TXNRD2: variants seen among roughly 807,000 people sequenced by gnomAD.
TXNRD2 encodes the protein thioredoxin reductase 2, mitochondrial.
In TXNRD2, 67 loss-of-function variants were observed where a neutral mutation model predicts 70.8. The observed-to-expected ratio is 0.95, with a 90% CI of 0.78 to 1.16. The LOEUF is 1.16. Among genes scored for constraint, TXNRD2 ranks in the 50% most tolerant of loss-of-function variants. The pLI is 0.00. For synonymous variants in TXNRD2, 301 were observed against 295.8 expected (o/e 1.02, Z -0.18); for missense variants, 644 against 719.9 (o/e 0.89, Z 1.21).
At chr22:19,914,387 A>C (rs967867176) in intron 7 of TXNRD2, among the ~76,000 whole-genome samples, 1 of 152,250 alleles carries the variant, frequency 6.6e-6, no homozygotes, top group Admixed American at 6.5e-5. Context: ...AGTGTGGTCT[A>C]TCCATACAAT....
chr22:19,941,650 C>T (rs1288270961), intron 1 of TXNRD2, 51 bp downstream of exon 1: 1 of 1,415,262 alleles, frequency 7.1e-7, no homozygotes, highest in South Asian at 1.5e-5. Flanking sequence ...CTCACGAGGA[C>T]ACCCCGGCCG....
At chr22:19,880,426 G>A (rs1189121599) in intron 13 of TXNRD2, among the ~76,000 whole-genome samples, 155 bp from the exon 14 acceptor site, 1 of 152,142 alleles carries the variant, frequency 6.6e-6, no homozygotes, top group Admixed American at 6.5e-5. Context: ...CCACGCCTGC[G>A]CCACACTCTC....
At chr22:19,918,304 C>T (rs890522754) in intron 4 of TXNRD2, 87 bp from the exon 5 acceptor site, 2 of 1,194,652 alleles carry the variant, frequency 1.7e-6, no homozygotes, top group East Asian at 2.4e-5. Flanking sequence ...TCAAATGGTA[C>T]ATTCATAGAA....
chr22:19,923,993 CTT>C (rs1017520390), intron 2 of TXNRD2, among the ~76,000 whole-genome samples: 1 of 150,930 alleles, frequency 6.6e-6, no homozygotes, highest in Non-Finnish European at 1.5e-5. Flanking sequence ...TAAAAAAAGG[CTT>C]TTTTTTCTTT....
chr22:19,927,225 T>G (rs1941180611), intron 2 of TXNRD2, among the ~76,000 whole-genome samples: 1 of 151,428 alleles, frequency 6.6e-6, no homozygotes, highest in Non-Finnish European at 1.5e-5. Context: ...ATCCAGGAGG[T>G]GGAGAGTGCA....
At position 19,918,790 on chromosome 22, in the gene TXNRD2, A is replaced by T. The variant is rs1258478721; in HGVS notation, c.374+70T>A. 5.1e-6 allele frequency: 8 copies of T among 1,569,008 alleles called. No homozygotes were observed. The Admixed American group carries it at 1.3e-4, about 26-fold the overall frequency. On this transcript the variant is annotated intron_variant, in intron 4 of 17. Transcript: ENST00000400521. ...CTCCCCATGAGGGCTCATCGAGGAT[A>T]AGCCTCCTCTTCCTCTTCCACCCAA...
chr22:19,911,876 C>G (rs912759259), intron 7 of TXNRD2, among the ~76,000 whole-genome samples: 2 of 152,164 alleles, frequency 1.3e-5, no homozygotes, highest in Non-Finnish European at 2.9e-5. Context: ...TCTGGGGGAT[C>G]CAAACTCAGA....
In TXNRD2 at chr22:19,877,308, A is replaced by G. The variant is rs890386860; in HGVS notation, c.1446-74T>C. 9 of 1,406,596 alleles carry G rather than the reference A, an allele frequency of 6.4e-6. No individual in the cohort carries two copies. The African/African-American group carries it at 8.4e-5, about 13-fold the overall frequency. 87.1% of individuals were successfully genotyped at this position (1,406,596 alleles called of 1,614,324 possible). A position where few individuals can be genotyped will look rare whatever the true frequency, so the allele number is the denominator to read the frequency against. On this transcript the variant is annotated intron_variant, in intron 16 of 17. Transcript: ENST00000400521. ...GGTCCACAGCATCCCACCCCCGGGA[A>G]GAGGAGGGCCTCAGAGGCTGCTGGT...
At chr22:19,912,761 G>A (rs755448972) in intron 7 of TXNRD2, among the ~76,000 whole-genome samples, 1 of 152,242 alleles carries the variant, frequency 6.6e-6, no homozygotes, top group Non-Finnish European at 1.5e-5. Context: ...TGCTGTGGCT[G>A]CCTGGCGGCC....
rs13054713 is a variant in TXNRD2, at chr22:19,880,391, C to A, written c.1183-120G>T. 0.14 allele frequency: 152,103 copies of A among 1,126,376 alleles called. 11,439 individuals are homozygous for A. Among genetic ancestry groups the A allele is most frequent in the Middle Eastern group, 0.21 (1,103 of 5,154 alleles). The allele number at this position is 1,126,376 out of a possible 1,614,324, so 69.8% of individuals were successfully genotyped here. On this transcript the variant is annotated intron_variant, in intron 13 of 17. Coordinates refer to ENST00000400521, the MANE Select transcript of TXNRD2 (RefSeq NM_006440.5). ...GACCAGATGCGCCCAGAGCAGGCTG[C>A]AAGCACAGTAGGCGACCCACCTGCC...
intron 1 of TXNRD2, among the ~76,000 whole-genome samples, chr22:19,935,362 T>C (rs1941503685): frequency 6.6e-6 from 1 of 152,118 alleles, no homozygotes; most frequent in Non-Finnish European, 1.5e-5. Context: ...CCTGGTAAAT[T>C]TGTGGTCAGA....
chr22:19,926,001 T>G (rs1422934265), intron 2 of TXNRD2, among the ~76,000 whole-genome samples: 1 of 150,928 alleles, frequency 6.6e-6, no homozygotes. Flanking sequence ...CTTTCTCTAC[T>G]AAAAATACAA....
rs576221320 is a variant in TXNRD2 at position 19,929,612 on chromosome 22, C to A, written c.172+1418G>T. The stretch of plus-strand genomic sequence containing the variant: ...ACGACAACTGCCATCTACAGCCCAA[C>A]GGAGAGGCCTCAGAAGAAATCAGCC... On this transcript the variant is annotated intron_variant, in intron 2 of 17. Transcript: ENST00000400521. Among the ~76,000 whole-genome samples, 5 of 152,170 alleles carry A rather than the reference C, an allele frequency of 3.3e-5. No individual in the cohort carries two copies. In the South Asian group the frequency reaches 1.0e-3, roughly 31 times the overall value.
rs147745415 is a variant in TXNRD2, at chr22:19,920,368, A to C, written c.173-769T>G. On this transcript the variant is annotated intron_variant, in intron 2 of 17. Coordinates refer to ENST00000400521, the MANE Select transcript of TXNRD2 (RefSeq NM_006440.5). The stretch of plus-strand genomic sequence containing the variant: ...TGAGGAAGGTGTATCACTTGTGGTC[A>C]GGAGTTCAAGACCAGCCTGGCCAAC... Among the ~76,000 whole-genome samples, 132 of 152,256 alleles carry C rather than the reference A, an allele frequency of 8.7e-4. No homozygotes were observed. In the East Asian group the frequency reaches 0.021, roughly 25 times the overall value.
intron 11 of TXNRD2, chr22:19,887,432 C>T (rs117446426): frequency 0.016 from 2,497 of 152,178 alleles, 22 homozygotes; most frequent in Non-Finnish European, 0.024. Context: ...GGACATGCCC[C>T]TGCTGAGATG....
chr22:19,939,892 G>A (rs930457105), intron 1 of TXNRD2, among the ~76,000 whole-genome samples: 1 of 152,056 alleles, frequency 6.6e-6, no homozygotes, highest in Admixed American at 6.6e-5. Flanking sequence ...AAAATTTTGA[G>A]GGCCCATCTA....
chr22:19,878,040 G>A (rs1938586689), intron 16 of TXNRD2, 50 bp downstream of exon 16: 2 of 1,510,546 alleles, frequency 1.3e-6, no homozygotes, highest in African/African-American at 1.4e-5. Flanking sequence ...CGGCACTCGA[G>A]GGATACCCAG....
chr22:19,878,788 G>A (rs1045892412), intron 14 of TXNRD2, among the ~76,000 whole-genome samples: 6 of 152,228 alleles, frequency 3.9e-5, no homozygotes, highest in Admixed American at 1.3e-4. Context: ...ACAACAAATG[G>A]TGGAGGCAAG....
At chr22:19,936,330 A>C (rs1233553025) in intron 1 of TXNRD2, among the ~76,000 whole-genome samples, 2 of 151,438 alleles carry the variant, frequency 1.3e-5, no homozygotes, top group African/African-American at 2.4e-5. Context: ...CTCCTCCCCC[A>C]CCTGACGATA....
Sources: gnomAD v4.1 joint callset for allele counts (sites outside exome capture counted in the v4.1 genomes callset) on GRCh38, gnomAD v4.1.1 for gene constraint, MANE v1.5 for transcripts, NCBI Gene and HGNC (gene_info 2026-07-23, HGNC 2026-07-21) for gene names.